Variants in EPHB2 observed in about 807,000 individuals in gnomAD.
EPHB2 encodes the protein EPH receptor B2.
Under a neutral mutation model 96.4 loss-of-function variants are expected in EPHB2, and 18 were observed. The observed-to-expected ratio is 0.19, with a 90% CI of 0.13 to 0.28. EPHB2 has a LOEUF of 0.28. Among genes scored for constraint, EPHB2 ranks in the 10% least tolerant of loss-of-function variants. EPHB2 has a pLI of 1.00. For missense variants in EPHB2, 989 were observed against 1,355.4 expected, an observed-to-expected ratio of 0.73 and a Z score of 4.25; for synonymous variants, 506 against 534.1, an observed-to-expected ratio of 0.95 and a Z score of 0.72.
At chr1:22,754,033 C>T (rs1644105492) in intron 1 of EPHB2, among the ~76,000 whole-genome samples, 1 of 152,236 alleles carries the variant, frequency 6.6e-6, no homozygotes, top group Admixed American at 6.5e-5. Context: ...ATTCGTGATC[C>T]CCTGGGGTTC....
chr1:22,901,929 A>C (rs1639766290), intron 9 of EPHB2, among the ~76,000 whole-genome samples: 1 of 151,976 alleles, frequency 6.6e-6, no homozygotes, highest in African/African-American at 2.4e-5. Context: ...GGACTCAAGC[A>C]ATCCTCCTGC....
chr1:22,803,673 GTGTATATA>G (rs1644880728), intron 3 of EPHB2, among the ~76,000 whole-genome samples: 2 of 137,524 alleles, frequency 1.5e-5, no homozygotes, highest in African/African-American at 2.7e-5. Flanking sequence ...ATATATATGT[GTGTATATA>G]TGTATATATA....
intron 4 of EPHB2, 98 bp from the exon 5 acceptor site, chr1:22,864,779 T>G (rs1638408164): frequency 6.6e-6 from 5 of 756,434 alleles, no homozygotes; most frequent in Non-Finnish European, 1.1e-5. Context: ...AGGAAGTCCT[T>G]TCAGAGGGGC....
intron 6 of EPHB2, 170 bp from the exon 7 acceptor site, chr1:22,892,714 A>T (rs975890705): frequency 1.1e-6 from 1 of 882,480 alleles, no homozygotes; most frequent in Non-Finnish European, 1.9e-6. Context: ...AGTGTTGAAA[A>T]GTAACATGGC....
At chr1:22,723,724 G>C (rs1365780118) in intron 1 of EPHB2, among the ~76,000 whole-genome samples, 1 of 152,242 alleles carries the variant, frequency 6.6e-6, no homozygotes, top group African/African-American at 2.4e-5. Flanking sequence ...TTCAGCTTTA[G>C]CTTCTCATCT....
intron 1 of EPHB2, among the ~76,000 whole-genome samples, chr1:22,722,113 A>C (rs867280800): frequency 2.0e-5 from 3 of 151,978 alleles, no homozygotes; most frequent in African/African-American, 7.3e-5. Flanking sequence ...ACGCCTGGCT[A>C]ATTTTTGTAT....
intron 3 of EPHB2, among the ~76,000 whole-genome samples, chr1:22,816,058 A>G (rs1645071066): frequency 1.3e-5 from 2 of 152,036 alleles, no homozygotes; most frequent in Non-Finnish European, 2.9e-5. Flanking sequence ...CTTTTCCCCC[A>G]TCTATACAAT....
chr1:22,879,235 C>T (rs1638948651), intron 5 of EPHB2, among the ~76,000 whole-genome samples: 1 of 152,138 alleles, frequency 6.6e-6, no homozygotes, highest in Admixed American at 6.5e-5. Context: ...AGTGGTCAGC[C>T]CCTGTGGGTT....
At chr1:22,864,651 G>T (rs1437178707) in intron 4 of EPHB2, among the ~76,000 whole-genome samples, 1 of 152,206 alleles carries the variant, frequency 6.6e-6, no homozygotes, top group African/African-American at 2.4e-5. Context: ...ACTATCCTCA[G>T]TAACAAACAC....
chr1:22,910,957 G>A (rs893325681), intron 14 of EPHB2, among the ~76,000 whole-genome samples: 1 of 152,070 alleles, frequency 6.6e-6, no homozygotes, highest in Non-Finnish European at 1.5e-5. Context: ...GGCCAACATG[G>A]TGAAACCCCT....
chr1:22,872,582 C>T (rs1638708703), intron 5 of EPHB2, among the ~76,000 whole-genome samples: 1 of 152,168 alleles, frequency 6.6e-6, no homozygotes, highest in Admixed American at 6.5e-5. Context: ...TCACCTAGGG[C>T]AAACACCTCC....
At chr1:22,759,442 C>G (rs1218675626) in intron 1 of EPHB2, among the ~76,000 whole-genome samples, 2 of 152,092 alleles carry the variant, frequency 1.3e-5, no homozygotes, top group African/African-American at 4.8e-5. Context: ...GCCACCCTGC[C>G]CCCATTATCT....
At chr1:22,782,986 C>T (rs1022845169) in intron 2 of EPHB2, among the ~76,000 whole-genome samples, 14 of 152,172 alleles carry the variant, frequency 9.2e-5, no homozygotes, top group African/African-American at 3.4e-4. Flanking sequence ...TTGAGGGTGA[C>T]ACCTCTTCCA....
At chr1:22,865,357 A>G in intron 5 of EPHB2, 145 bp downstream of exon 5, 1 of 924,058 alleles carries the variant, frequency 1.1e-6, no homozygotes, top group Non-Finnish European at 1.7e-6. Flanking sequence ...CACCTGGGAG[A>G]GTAAGTGCTA....
At chr1:22,818,099 C>T (rs938945293) in intron 3 of EPHB2, among the ~76,000 whole-genome samples, 1 of 150,646 alleles carries the variant, frequency 6.6e-6, no homozygotes, top group African/African-American at 2.4e-5. Context: ...CCTCTCTGAT[C>T]CTTAGTCTGT....
chr1:22,886,986 G>A (rs1295543651), intron 6 of EPHB2, among the ~76,000 whole-genome samples: 2 of 152,120 alleles, frequency 1.3e-5, no homozygotes, highest in African/African-American at 4.8e-5. Context: ...ACTCCTAGGA[G>A]ATGGAGGTGC....
chr1:22,852,828 G>C (rs903190812), intron 3 of EPHB2, among the ~76,000 whole-genome samples: 1 of 152,252 alleles, frequency 6.6e-6, no homozygotes, highest in African/African-American at 2.4e-5. Flanking sequence ...TGCCAGCTCT[G>C]TACCAGGCAG....
chr1:22,900,389 G>A (rs559794775), intron 9 of EPHB2, among the ~76,000 whole-genome samples: 5 of 152,316 alleles, frequency 3.3e-5, no homozygotes, highest in East Asian at 3.9e-4. Context: ...GACGTACTGC[G>A]TGCATTCTGT....
intron 3 of EPHB2, among the ~76,000 whole-genome samples, chr1:22,802,042 G>A (rs1249148589): frequency 1.3e-5 from 2 of 152,198 alleles, no homozygotes; most frequent in Non-Finnish European, 2.9e-5. Context: ...GGGATTAGCT[G>A]CTGGGGGGTG....
Sources: gnomAD v4.1 joint callset for allele counts (sites outside exome capture counted in the v4.1 genomes callset) on GRCh38, gnomAD v4.1.1 for gene constraint, MANE v1.5 for transcripts, NCBI Gene and HGNC (gene_info 2026-07-23, HGNC 2026-07-21) for gene names.